Variants in DNAH14 observed in about 807,000 individuals in gnomAD.
DNAH14 encodes dynein axonemal heavy chain 14, also known as axonemal beta dynein heavy chain 14.
Under a neutral mutation model 520.9 loss-of-function variants are expected in DNAH14, and 478 were observed. The observed-to-expected ratio is 0.92, with a 90% CI of 0.85 to 0.99. The LOEUF (loss-of-function observed/expected upper bound fraction) is 0.99. Among genes scored for constraint, DNAH14 ranks in the 50% least tolerant of loss-of-function variants. The pLI is 0.00. For missense variants in DNAH14, 4,831 were observed against 5,234.5 expected (o/e 0.92, Z 2.38); for synonymous variants, 1,581 against 1,757.2 (o/e 0.90, Z 2.51).
rs563063141 is a variant in DNAH14 at position 225,231,625 on chromosome 1, T to C, written c.6518+474T>C. On this transcript the variant is annotated intron_variant, in intron 42 of 85. Coordinates refer to ENST00000682510, the MANE Select transcript of DNAH14 (RefSeq NM_001367479.1). ...CCATTTTGTAGGATAGAAGAGTCAC[T>C]GTTGGGCATCTTATTATGAGTCCTT... Among the ~76,000 whole-genome samples, 17 of 152,274 alleles carry C rather than the reference T, an allele frequency of 1.1e-4. No individual in the cohort carries two copies. In the East Asian group the frequency reaches 3.1e-3, roughly 28 times the overall value.
At chr1:225,366,152 G>C (rs1249875312) in intron 76 of DNAH14, among the ~76,000 whole-genome samples, 1 of 152,118 alleles carries the variant, frequency 6.6e-6, no homozygotes, top group East Asian at 1.9e-4. Context: ...AATTGGCTAA[G>C]ACTATAACTA....
intron 65 of DNAH14, among the ~76,000 whole-genome samples, chr1:225,332,448 A>G (rs1224842441): frequency 2.6e-5 from 4 of 152,096 alleles, no homozygotes; most frequent in African/African-American, 9.7e-5. Flanking sequence ...AATCAAGCAC[A>G]TACGTGATCA....
chr1:225,061,057 T>G (rs1051414937), intron 17 of DNAH14, among the ~76,000 whole-genome samples: 3 of 152,114 alleles, frequency 2.0e-5, no homozygotes, highest in African/African-American at 7.2e-5. Context: ...CAGGGACATT[T>G]AAGTCTGCAG....
chr1:225,091,354 A>C (rs1230297862), intron 21 of DNAH14, among the ~76,000 whole-genome samples: 1 of 152,164 alleles, frequency 6.6e-6, no homozygotes, highest in Non-Finnish European at 1.5e-5. Flanking sequence ...AGCTCTACAA[A>C]GGAAACCCTA....
chr1:225,354,479 C>T (rs1005892498), intron 73 of DNAH14, among the ~76,000 whole-genome samples: 1 of 152,118 alleles, frequency 6.6e-6, no homozygotes. Flanking sequence ...ACCCCTAACA[C>T]ATGAAAAGTT....
At chr1:225,344,013 A>G (rs911991351) in intron 69 of DNAH14, among the ~76,000 whole-genome samples, 1 of 152,186 alleles carries the variant, frequency 6.6e-6, no homozygotes, top group Non-Finnish European at 1.5e-5. Flanking sequence ...GATAACACAC[A>G]TTAGGGCACT....
chr1:225,373,868 G>A (rs141689074), intron 77 of DNAH14, among the ~76,000 whole-genome samples: 121 of 151,896 alleles, frequency 8.0e-4, no homozygotes, highest in African/African-American at 2.8e-3. Flanking sequence ...CCTCATGCCT[G>A]TAATCTCAGC....
Position 225,232,011 on chromosome 1 carries a change from A to G in DNAH14, c.6518+860A>G, listed in dbSNP as rs1291865898. Reference sequence around the variant, plus strand: ...TTATTTTATTTTTGAAGTCCTCTGTATTCTCTCCTAGATCTCAGGGTATCC... The same window carrying G: ...TTATTTTATTTTTGAAGTCCTCTGTGTTCTCTCCTAGATCTCAGGGTATCC... On this transcript the variant is annotated intron_variant, in intron 42 of 85. Transcript: ENST00000682510. The surrounding 1 kb of genome is among the most constrained non-coding windows in gnomAD (Gnocchi z 4.2). Among the ~76,000 whole-genome samples, 1 of 152,138 alleles carries G rather than the reference A, an allele frequency of 6.6e-6. No homozygotes were observed. The highest frequency in any genetic ancestry group is 1.5e-5 in the Non-Finnish European group (1 of 68,002).
chr1:225,354,592 A>G (rs1016316016), intron 73 of DNAH14, among the ~76,000 whole-genome samples: 4 of 152,186 alleles, frequency 2.6e-5, no homozygotes, highest in Non-Finnish European at 5.9e-5. Context: ...TTAGGAAACC[A>G]AGGCTTATAA....
chr1:225,131,552 C>G (rs1384104814), intron 27 of DNAH14, among the ~76,000 whole-genome samples: 1 of 152,108 alleles, frequency 6.6e-6, no homozygotes, highest in Non-Finnish European at 1.5e-5. Context: ...ATACATTTGA[C>G]CCACCCAGAT....
intron 1 of DNAH14, among the ~76,000 whole-genome samples, chr1:224,938,865 ACC>A (rs1435461766): frequency 2.6e-5 from 4 of 152,178 alleles, no homozygotes; most frequent in African/African-American, 9.7e-5. Flanking sequence ...GTAAAAAAGA[ACC>A]CTGTCGTTTA....
At chr1:225,197,535 G>T (rs1194254749) in intron 38 of DNAH14, among the ~76,000 whole-genome samples, 1 of 151,986 alleles carries the variant, frequency 6.6e-6, no homozygotes, top group Non-Finnish European at 1.5e-5. Context: ...CTCTTTTTTG[G>T]TTCCATATAA....
At chr1:225,145,066 T>A (rs1011732187) in intron 29 of DNAH14, among the ~76,000 whole-genome samples, 3 of 152,126 alleles carry the variant, frequency 2.0e-5, no homozygotes, top group Non-Finnish European at 4.4e-5. Context: ...GACCTAGAAT[T>A]TTTTCATAGT....
At chr1:224,945,124 G>A (rs1277110346) in intron 1 of DNAH14, among the ~76,000 whole-genome samples, 4 of 152,100 alleles carry the variant, frequency 2.6e-5, no homozygotes, top group African/African-American at 7.2e-5. Flanking sequence ...TCATTTTCAG[G>A]TACACCAATC....
intron 62 of DNAH14, 79 bp from the exon 63 acceptor site, chr1:225,324,143 C>G (rs982329805): frequency 6.2e-5 from 92 of 1,479,236 alleles, no homozygotes; most frequent in Admixed American, 8.6e-5. Flanking sequence ...AATAAAATTT[C>G]AATCTAGTGT....
chr1:225,189,724 T>C (rs972293520), intron 37 of DNAH14, among the ~76,000 whole-genome samples: 3 of 151,968 alleles, frequency 2.0e-5, no homozygotes, highest in Admixed American at 2.0e-4. Flanking sequence ...TATATTTGGA[T>C]CATGTTTTTG....
At chr1:225,045,636 C>T (rs765163565) in intron 15 of DNAH14, among the ~76,000 whole-genome samples, 3 of 152,064 alleles carry the variant, frequency 2.0e-5, no homozygotes, top group Non-Finnish European at 2.9e-5. Context: ...GATGTTGTCT[C>T]ATGATGAGTT....
At chr1:225,167,395 C>G (rs911740454) in intron 35 of DNAH14, among the ~76,000 whole-genome samples, 1 of 152,132 alleles carries the variant, frequency 6.6e-6, no homozygotes. Flanking sequence ...CTTATAATAC[C>G]TTGGTTAAAA....
intron 51 of DNAH14, among the ~76,000 whole-genome samples, chr1:225,272,587 T>A (rs892160227): frequency 2.0e-5 from 3 of 152,202 alleles, no homozygotes; most frequent in Admixed American, 1.3e-4. Context: ...GGCTATAACA[T>A]TTTTAATCCA....
Sources: allele counts gnomAD v4.1 joint callset (sites outside exome capture counted in the v4.1 genomes callset), GRCh38; gene constraint gnomAD v4.1.1; non-coding constraint Gnocchi (gnomAD v3.1); transcripts MANE v1.5; gene names NCBI Gene and HGNC (gene_info 2026-07-23, HGNC 2026-07-21).